Variants in TMEM178B observed in about 807,000 individuals in gnomAD.
TMEM178B encodes transmembrane protein 178B.
A neutral mutation model predicts 31.0 loss-of-function variants in TMEM178B; 5 were observed. The observed-to-expected ratio is 0.16, with a 90% confidence interval of 0.08 to 0.34. The LOEUF is 0.34. Ranked by LOEUF, TMEM178B falls within the 10% of genes least tolerant of loss-of-function variation. The pLI, the probability that TMEM178B is intolerant of heterozygous loss-of-function variation, is 1.00. For synonymous variants in TMEM178B, 164 were observed against 164.0 expected, an observed-to-expected ratio of 1.00 and a Z score of 0.00; for missense variants, 275 against 400.3, an observed-to-expected ratio of 0.69 and a Z score of 2.67.
intron 1 of TMEM178B, among the ~76,000 whole-genome samples, chr7:141,126,140 G>A (rs1445978883): frequency 1.3e-5 from 2 of 151,110 alleles, no homozygotes. Context: ...AGGAGAGGAC[G>A]TCTTGGATTG....
At chr7:141,306,696 C>A (rs1214150547) in intron 2 of TMEM178B, among the ~76,000 whole-genome samples, 1 of 151,586 alleles carries the variant, frequency 6.6e-6, no homozygotes, top group Non-Finnish European at 1.5e-5. Flanking sequence ...CTTCTAAAAG[C>A]CTCGTCTTTG....
At chr7:141,118,451 C>A (rs951159199) in intron 1 of TMEM178B, among the ~76,000 whole-genome samples, 4 of 152,146 alleles carry the variant, frequency 2.6e-5, no homozygotes, top group Non-Finnish European at 4.4e-5. Context: ...ATAAATAATG[C>A]CTAGTTTGCA....
At chr7:141,375,676 C>A (rs889142511) in intron 2 of TMEM178B, among the ~76,000 whole-genome samples, 2 of 152,100 alleles carry the variant, frequency 1.3e-5, no homozygotes, top group Non-Finnish European at 2.9e-5. Context: ...TTATTGGAGG[C>A]TACGGTTATT....
intron 1 of TMEM178B, among the ~76,000 whole-genome samples, chr7:141,145,356 G>T (rs116497684): frequency 3.3e-5 from 5 of 152,198 alleles, no homozygotes; most frequent in African/African-American, 9.7e-5. Flanking sequence ...AGGCCCAGGC[G>T]TGGTAGAGCT....
At chr7:141,129,161 C>G (rs1475864736) in intron 1 of TMEM178B, among the ~76,000 whole-genome samples, 1 of 152,140 alleles carries the variant, frequency 6.6e-6, no homozygotes, top group Non-Finnish European at 1.5e-5. Flanking sequence ...GATGTTCATT[C>G]GTGTGTCCTG....
At chr7:141,276,635 T>C (rs1198392894) in intron 2 of TMEM178B, among the ~76,000 whole-genome samples, 1 of 152,034 alleles carries the variant, frequency 6.6e-6, no homozygotes, top group Non-Finnish European at 1.5e-5. Context: ...ACCAGGTCCC[T>C]CCCATGACAC....
intron 2 of TMEM178B, among the ~76,000 whole-genome samples, chr7:141,351,730 T>C (rs1344136544): frequency 6.6e-6 from 1 of 152,224 alleles, no homozygotes; most frequent in Non-Finnish European, 1.5e-5. Flanking sequence ...TCTCATTTTT[T>C]AAAAATTGAA....
intron 2 of TMEM178B, among the ~76,000 whole-genome samples, chr7:141,337,206 C>G (rs1199765842): frequency 1.0e-5 from 1 of 97,682 alleles, no homozygotes; most frequent in African/African-American, 4.5e-5. Flanking sequence ...ATCACCACCA[C>G]CACCATCACC....
intron 2 of TMEM178B, among the ~76,000 whole-genome samples, chr7:141,411,764 C>A (rs1800994264): frequency 6.6e-6 from 1 of 152,214 alleles, no homozygotes; most frequent in Non-Finnish European, 1.5e-5. Context: ...AATTGAACTT[C>A]ATTTAAAACG....
At chr7:141,470,510 C>G (rs1259204147) in intron 3 of TMEM178B, 26 bp from the exon 4 acceptor site, 5 of 1,481,122 alleles carry the variant, frequency 3.4e-6, no homozygotes, top group East Asian at 5.3e-5. Context: ...ATTTCCCCAT[C>G]CTGTGTCTTT....
intron 2 of TMEM178B, among the ~76,000 whole-genome samples, chr7:141,425,915 C>G (rs147046475): frequency 6.6e-6 from 1 of 152,178 alleles, no homozygotes; most frequent in Non-Finnish European, 1.5e-5. Flanking sequence ...TACCTTCCCC[C>G]CCTATCTCTT....
At chr7:141,220,345 A>G (rs946732684) in intron 2 of TMEM178B, among the ~76,000 whole-genome samples, 7 of 138,396 alleles carry the variant, frequency 5.1e-5, no homozygotes, top group South Asian at 2.3e-4. Context: ...TAATAATAAT[A>G]ATAATAATAA....
chr7:141,286,961 C>A (rs1448901382), intron 2 of TMEM178B, among the ~76,000 whole-genome samples: 1 of 152,124 alleles, frequency 6.6e-6, no homozygotes, highest in East Asian at 1.9e-4. Flanking sequence ...TAAGAAAGTC[C>A]TTGACTCGCT....
At chr7:141,487,568 C>T in the TMEM178B span, among the ~76,000 whole-genome samples, 3 of 151,590 alleles carry the variant, frequency 2.0e-5, no homozygotes, top group East Asian at 1.9e-4. Context: ...AGTGAAACCC[C>T]GTCTCTACTA....
At chr7:141,378,570 A>T (rs1800259562) in intron 2 of TMEM178B, among the ~76,000 whole-genome samples, 1 of 152,192 alleles carries the variant, frequency 6.6e-6, no homozygotes, top group Non-Finnish European at 1.5e-5. Context: ...CGGAGATGGT[A>T]CTGAGGGAGA....
At chr7:141,316,441 C>T (rs1037771902) in intron 2 of TMEM178B, among the ~76,000 whole-genome samples, 6 of 152,102 alleles carry the variant, frequency 3.9e-5, no homozygotes, top group African/African-American at 7.2e-5. Context: ...TCTAGGCAAA[C>T]GAATTCTAAG....
intron 2 of TMEM178B, among the ~76,000 whole-genome samples, chr7:141,332,058 G>T (rs1273193330): frequency 2.0e-5 from 3 of 152,192 alleles, no homozygotes; most frequent in African/African-American, 4.8e-5. Flanking sequence ...CCTCCTGGTT[G>T]TGACTGTCCA....
chr7:141,337,613 ATGAAGCCTC>A (rs1373759584), intron 2 of TMEM178B, among the ~76,000 whole-genome samples: 3 of 152,204 alleles, frequency 2.0e-5, no homozygotes, highest in African/African-American at 7.2e-5. Context: ...ATAAGTGGTG[ATGAAGCCTC>A]TGTTCTGGCA....
At chr7:141,465,916 G>T (rs2116724521) in intron 3 of TMEM178B, among the ~76,000 whole-genome samples, 1 of 152,226 alleles carries the variant, frequency 6.6e-6, no homozygotes, top group South Asian at 2.1e-4. Context: ...CCAGCTACTA[G>T]GGAGGCTGAG....
Sources: allele counts gnomAD v4.1 joint callset (sites outside exome capture counted in the v4.1 genomes callset), GRCh38; gene constraint gnomAD v4.1.1; transcripts MANE v1.5; gene names NCBI Gene and HGNC (gene_info 2026-07-23, HGNC 2026-07-21).